PLCG2: variants seen among roughly 807,000 people sequenced by gnomAD.
The protein encoded by PLCG2 is 1-phosphatidylinositol 4,5-bisphosphate phosphodiesterase gamma-2.
A neutral mutation model predicts 175.6 loss-of-function variants in PLCG2; 69 were observed. That is an observed-to-expected ratio of 0.39 (90% CI 0.32 to 0.48). The LOEUF (loss-of-function observed/expected upper bound fraction) is 0.48, where lower values mean the gene tolerates loss of function less well. PLCG2 is among the 20% of genes least tolerant of loss of function. The pLI is 0.91. For missense variants in PLCG2, 1,798 were observed against 1,650.9 expected (o/e 1.09, Z -1.54); for synonymous variants, 827 against 624.0 (o/e 1.33, Z -4.85).
At chr16:81,909,444 G>T (rs1909521970) in intron 17 of PLCG2, among the ~76,000 whole-genome samples, 1 of 152,310 alleles carries the variant, frequency 6.6e-6, no homozygotes, top group Middle Eastern at 3.4e-3. Context: ...TTGTGATAGG[G>T]TCTTGCTCTG....
chr16:81,773,145 A>G (rs935070317), intron 2 of PLCG2, among the ~76,000 whole-genome samples: 2 of 152,302 alleles, frequency 1.3e-5, no homozygotes, highest in Admixed American at 1.3e-4. Flanking sequence ...CCAATGAGAC[A>G]GAGGGAAAGC....
intron 2 of PLCG2, among the ~76,000 whole-genome samples, chr16:81,759,953 C>T (rs957978037): frequency 4.6e-5 from 7 of 152,136 alleles, no homozygotes; most frequent in South Asian, 2.1e-4. Context: ...GGTGAAACCC[C>T]GTCTCTACTA....
intron 5 of PLCG2, among the ~76,000 whole-genome samples, chr16:81,867,807 T>C (rs192641943): frequency 1.2e-3 from 187 of 152,226 alleles, no homozygotes; most frequent in African/African-American, 4.4e-3. Flanking sequence ...ACGCCATTCT[T>C]CTGCCTCAGC....
At chr16:81,791,380 A>G (rs904327684) in intron 2 of PLCG2, among the ~76,000 whole-genome samples, 19 of 152,208 alleles carry the variant, frequency 1.2e-4, no homozygotes, top group African/African-American at 4.3e-4. Flanking sequence ...AATGGGTGTC[A>G]TGTAATATAA....
intron 31 of PLCG2, among the ~76,000 whole-genome samples, chr16:81,954,990 C>T (rs769348924): frequency 1.3e-5 from 2 of 152,272 alleles, no homozygotes; most frequent in African/African-American, 4.8e-5. Flanking sequence ...TCCACAGCCT[C>T]GCCAGCATCT....
chr16:81,903,295 A>G (rs1272750028), intron 14 of PLCG2, among the ~76,000 whole-genome samples: 1 of 152,178 alleles, frequency 6.6e-6, no homozygotes, highest in Non-Finnish European at 1.5e-5. Context: ...CTTATGTTCC[A>G]GGAAGTCGTG....
chr16:81,908,330 G>A, intron 16 of PLCG2, 86 bp from the exon 17 acceptor site: 2 of 1,247,246 alleles, frequency 1.6e-6, no homozygotes, highest in Non-Finnish European at 2.3e-6. Context: ...TGGTACCCTG[G>A]GTCAGGGTGA....
At chr16:81,899,651 G>A (rs1909058111) in intron 13 of PLCG2, among the ~76,000 whole-genome samples, 1 of 152,088 alleles carries the variant, frequency 6.6e-6, no homozygotes, top group Admixed American at 6.6e-5. Flanking sequence ...CTTTTTCTTG[G>A]TGATCTTGCT....
chr16:81,841,819 T>C (rs1056072803), intron 2 of PLCG2, among the ~76,000 whole-genome samples: 1 of 152,206 alleles, frequency 6.6e-6, no homozygotes, highest in Non-Finnish European at 1.5e-5. Flanking sequence ...CAGACGCTGC[T>C]ACATGTGTGA....
At chr16:81,859,404 T>C (rs1488855828) in intron 5 of PLCG2, 1 of 468,920 alleles carries the variant, frequency 2.1e-6, no homozygotes, top group Non-Finnish European at 3.8e-6. Context: ...CCATGGGGCA[T>C]TTGGACCTCA....
intron 2 of PLCG2, among the ~76,000 whole-genome samples, chr16:81,786,978 T>C (rs4889383): frequency 0.1 from 15,374 of 152,246 alleles, 1,264 homozygotes; most frequent in African/African-American, 0.23. Flanking sequence ...AATGTGTGGG[T>C]TTAAAAAGAA....
intron 2 of PLCG2, among the ~76,000 whole-genome samples, chr16:81,803,560 T>TCCTTC (rs1163573282): frequency 1.4e-5 from 2 of 145,774 alleles, no homozygotes; most frequent in African/African-American, 5.3e-5. Context: ...TTTCTTTCCT[T>TCCTTC]CCTTTCCTTT....
intron 1 of PLCG2, among the ~76,000 whole-genome samples, chr16:81,753,259 C>G (rs942651548): frequency 7.9e-5 from 12 of 152,070 alleles, no homozygotes; most frequent in African/African-American, 2.9e-4. Context: ...CACTCACAGC[C>G]CCATTGAGCC....
intron 16 of PLCG2, 44 bp downstream of exon 16, chr16:81,907,818 C>G (rs982472677): frequency 2.1e-6 from 3 of 1,443,262 alleles, no homozygotes; most frequent in South Asian, 2.3e-5. Flanking sequence ...TCCCCAGGAA[C>G]CCCGAGGACC....
intron 8 of PLCG2, among the ~76,000 whole-genome samples, chr16:81,881,590 T>G (rs1217749245): frequency 6.6e-6 from 1 of 152,222 alleles, no homozygotes; most frequent in Admixed American, 6.5e-5. Context: ...CCTCTGTCAC[T>G]TTTGAAATCA....
intron 22 of PLCG2, among the ~76,000 whole-genome samples, chr16:81,925,917 T>C (rs1002949776): frequency 4.7e-5 from 7 of 149,252 alleles, no homozygotes; most frequent in Admixed American, 6.7e-5. Context: ...CAGAAGGATA[T>C]CATATAGAGG....
chr16:81,922,305 C>T (rs908092614), intron 21 of PLCG2, among the ~76,000 whole-genome samples: 8 of 152,146 alleles, frequency 5.3e-5, no homozygotes, highest in African/African-American at 1.4e-4. Context: ...AACAGCTGGT[C>T]GATGTGGGGC....
chr16:81,862,173 G>A (rs1907015686), intron 5 of PLCG2, among the ~76,000 whole-genome samples: 1 of 152,234 alleles, frequency 6.6e-6, no homozygotes, highest in African/African-American at 2.4e-5. Context: ...GTTTCCTGAA[G>A]GAAAACAAAG....
chr16:81,914,037 G>A (rs540043389), intron 19 of PLCG2, among the ~76,000 whole-genome samples: 1 of 152,362 alleles, frequency 6.6e-6, no homozygotes, highest in Admixed American at 6.5e-5. Context: ...TCTGCCCTTT[G>A]CTCTTTCCCC....
Sources: gnomAD v4.1 joint callset for allele counts (sites outside exome capture counted in the v4.1 genomes callset) on GRCh38, gnomAD v4.1.1 for gene constraint, MANE v1.5 for transcripts, NCBI Gene and HGNC (gene_info 2026-07-23, HGNC 2026-07-21) for gene names.